The following UNC93A variants were observed in gnomAD, a reference collection of about 807,000 sequenced individuals.
The protein encoded by UNC93A is N-acetylglucosamine transporter UNC93A.
A neutral mutation model predicts 47.5 loss-of-function variants in UNC93A; 43 were observed. The ratio of observed to expected loss-of-function variants is 0.91; its 90% confidence interval spans 0.71 to 1.17. The LOEUF is 1.17. Ranked by LOEUF, UNC93A falls within the 50% of genes most tolerant of loss-of-function variation. UNC93A has a pLI of 0.00. For missense variants in UNC93A, 605 were observed against 577.6 expected (o/e 1.05, Z -0.49); for synonymous variants, 280 against 258.0 (o/e 1.09, Z -0.82).
intron 6 of UNC93A, among the ~76,000 whole-genome samples, chr6:167,307,140 T>C (rs1450371425): frequency 6.6e-6 from 1 of 152,172 alleles, no homozygotes; most frequent in East Asian, 1.9e-4. Context: ...AAGGCCCTTC[T>C]CTTTCTGACT....
intron 7 of UNC93A, among the ~76,000 whole-genome samples, chr6:167,309,998 T>C (rs1583094630): frequency 6.6e-6 from 1 of 152,322 alleles, no homozygotes; most frequent in East Asian, 1.9e-4. Flanking sequence ...ACTGATTTAA[T>C]GGAGGGGAGA....
chr6:167,314,687 T>C (rs1778644957), intron 7 of UNC93A, among the ~76,000 whole-genome samples: 1 of 122,898 alleles, frequency 8.1e-6, no homozygotes, highest in African/African-American at 3.7e-5. Context: ...ATTGTTTCCT[T>C]TGAAGAGGCT....
At chr6:167,307,702 C>T in intron 6 of UNC93A, 77 bp from the exon 7 acceptor site, 2 of 1,499,160 alleles carry the variant, frequency 1.3e-6, no homozygotes, top group Non-Finnish European at 1.8e-6. Context: ...GTTGCTCCAG[C>T]ACTGACCCAC....
chr6:167,305,102 T>TCAGTCCCCACC (rs1554241413), intron 5 of UNC93A, among the ~76,000 whole-genome samples: 1 of 151,372 alleles, frequency 6.6e-6, no homozygotes, highest in South Asian at 2.1e-4. Context: ...ACTTCTCTGC[T>TCAGTCCCCACC]CCAGATCCCT....
chr6:167,277,311 C>A lies in UNC93A; in HGVS notation c.-52+5853C>A, dbSNP rs562001296. 7.2e-5 allele frequency among the ~76,000 whole-genome samples: 11 copies of A among 152,314 alleles called. No homozygotes were observed. The South Asian group carries it at 2.1e-3, about 29-fold the overall frequency. ...GGCCCCTCTGCCTTCTGGCCTGTGA[C>A]CTGCCTTGGCGACCTACCCTTAGCC... On this transcript the variant is annotated intron_variant, in intron 1 of 3. Transcript: ENST00000503433.
intron 5 of UNC93A, 70 bp downstream of exon 5, chr6:167,304,203 T>A: frequency 6.4e-7 from 1 of 1,558,382 alleles, no homozygotes. Context: ...TGTCTGTACC[T>A]GCAGGACCGC....
intron 3 of UNC93A, among the ~76,000 whole-genome samples, chr6:167,296,741 C>A (rs560045646): frequency 1.9e-4 from 29 of 152,316 alleles, no homozygotes; most frequent in African/African-American, 6.7e-4. Flanking sequence ...CTGTCTCTAC[C>A]CGACCTTGCC....
intron 2 of UNC93A, 54 bp from the exon 3 acceptor site, chr6:167,295,978 T>TAAAGAAC: frequency 6.5e-7 from 1 of 1,534,224 alleles, no homozygotes; most frequent in South Asian, 1.1e-5. Flanking sequence ...GGGACATGGG[T>TAAAGAAC]GCAATGGGCT....
At chr6:167,282,305 T>C (rs902807270) in intron 1 of UNC93A, among the ~76,000 whole-genome samples, 1 of 151,974 alleles carries the variant, frequency 6.6e-6, no homozygotes, top group Non-Finnish European at 1.5e-5. Flanking sequence ...AGGGTGTGGG[T>C]CTGGCCTTGT....
chr6:167,295,782 C>T (rs1048481577), intron 2 of UNC93A, among the ~76,000 whole-genome samples: 4 of 152,218 alleles, frequency 2.6e-5, no homozygotes, highest in Admixed American at 2.0e-4. Context: ...CAATCGCATC[C>T]GATACAAGGA....
chr6:167,271,500 C>T (rs1389398254), intron 1 of UNC93A: 1 of 152,162 alleles, frequency 6.6e-6, no homozygotes, highest in African/African-American at 2.4e-5. Flanking sequence ...CTGTTTCCTG[C>T]CTTCTGTCTG....
At chr6:167,313,889 A>G (rs1011014220) in intron 7 of UNC93A, among the ~76,000 whole-genome samples, 1 of 152,174 alleles carries the variant, frequency 6.6e-6, no homozygotes, top group South Asian at 2.1e-4. Context: ...AAATTTGGTT[A>G]TTCAGTTCTC....
chr6:167,293,934 G>C (rs1420850394), intron 1 of UNC93A, among the ~76,000 whole-genome samples: 2 of 152,192 alleles, frequency 1.3e-5, no homozygotes, highest in African/African-American at 4.8e-5. Context: ...TGCCTGCCCG[G>C]GTTGTCTCCA....
chr6:167,275,775 C>T (rs1368378072), intron 1 of UNC93A, among the ~76,000 whole-genome samples: 2 of 152,222 alleles, frequency 1.3e-5, no homozygotes, highest in Admixed American at 6.5e-5. Context: ...CAACCTTGTG[C>T]TCCTCACGGG....
At chr6:167,282,047 C>T (rs182081999) in intron 1 of UNC93A, among the ~76,000 whole-genome samples, 2 of 152,236 alleles carry the variant, frequency 1.3e-5, no homozygotes, top group East Asian at 3.9e-4. Context: ...AGATAAAAAA[C>T]AAACAGACCA....
At chr6:167,269,866 C>T (rs181118797), upstream of UNC93A, among the ~76,000 whole-genome samples, 1,306 of 152,206 alleles carry the variant, frequency 8.6e-3, 22 homozygotes, top group African/African-American at 0.029. Context: ...CCACCTGCCT[C>T]GGTCTCCCAA....
At chr6:167,310,775 G>A (rs2115180447) in intron 7 of UNC93A, among the ~76,000 whole-genome samples, 1 of 152,278 alleles carries the variant, frequency 6.6e-6, no homozygotes, top group South Asian at 2.1e-4. Context: ...CAGCTACGAG[G>A]GAGGCTGAAG....
chr6:167,276,087 A>G (rs1583058312), intron 1 of UNC93A, among the ~76,000 whole-genome samples: 3 of 147,308 alleles, frequency 2.0e-5, no homozygotes, highest in South Asian at 4.3e-4. Flanking sequence ...TAGCTCACAC[A>G]TATGAGTGAG....
In UNC93A at chr6:167,271,934, C is replaced by T. The variant is rs143231974; in HGVS notation, c.-52+476C>T. Among the ~76,000 whole-genome samples the T allele has an allele frequency of 2.8e-3, 422 of 152,280 alleles. 1 individual carries two copies. Among genetic ancestry groups the T allele is most frequent in the African/African-American group, 9.5e-3 (396 of 41,534 alleles). On this transcript the variant is annotated intron_variant, in intron 1 of 3. Transcript: ENST00000503433. ...ATGAATGGAGGATAAGGGCTAGTTC[C>T]TAGTAGTCAAGTTTGCTGAGTAGAT...
Sources: gnomAD v4.1 joint callset for allele counts (sites outside exome capture counted in the v4.1 genomes callset) on GRCh38, gnomAD v4.1.1 for gene constraint, MANE v1.5 for transcripts, NCBI Gene and HGNC (gene_info 2026-07-23, HGNC 2026-07-21) for gene names.